STX18: variants seen among roughly 807,000 people sequenced by gnomAD.
The protein encoded by STX18 is syntaxin 18, also known as syntaxin-18.
STX18 carries 40 observed loss-of-function variants against 50.1 expected under a neutral mutation model. That is an observed-to-expected ratio of 0.80 (90% confidence interval 0.62 to 1.04). STX18 has a LOEUF of 1.04. Ranked by LOEUF, STX18 falls within the 50% of genes least tolerant of loss-of-function variation. The probability of loss-of-function intolerance (pLI) is 0.00; values close to 1 mark genes in which losing one functional copy is unlikely to be tolerated. For synonymous variants in STX18, 158 were observed against 151.8 expected, an observed-to-expected ratio of 1.04 and a Z score of -0.30; for missense variants, 410 against 415.8, an observed-to-expected ratio of 0.99 and a Z score of 0.12.
At chr4:4,485,898 C>T (rs1014494639) in intron 1 of STX18, among the ~76,000 whole-genome samples, 2 of 152,210 alleles carry the variant, frequency 1.3e-5, no homozygotes, top group Non-Finnish European at 2.9e-5. Context: ...CAGTCTTTGA[C>T]TCACCACACA....
intron 1 of STX18, among the ~76,000 whole-genome samples, chr4:4,484,652 A>C (rs900918506): frequency 3.3e-5 from 5 of 152,212 alleles, no homozygotes; most frequent in Non-Finnish European, 5.9e-5. Context: ...GTCTATTTTA[A>C]AAACATTTCC....
chr4:4,522,490 T>C (rs1550530), intron 1 of STX18, among the ~76,000 whole-genome samples: 57,718 of 151,744 alleles, frequency 0.38, 10,956 homozygotes, highest in South Asian at 0.47. Context: ...TTCATATCCC[T>C]GACCATAATG....
chr4:4,489,303 T>C (rs1321828548), intron 1 of STX18, among the ~76,000 whole-genome samples: 1 of 151,604 alleles, frequency 6.6e-6, no homozygotes, highest in African/African-American at 2.4e-5. Flanking sequence ...CCTTTTTTCC[T>C]TTTTCCTATA....
chr4:4,421,408 G>A (rs1041416958), intron 9 of STX18, among the ~76,000 whole-genome samples: 3 of 151,656 alleles, frequency 2.0e-5, no homozygotes, highest in African/African-American at 4.9e-5. Context: ...GTGCCACCAC[G>A]CCTGGCTAAA....
chr4:4,457,432 A>T lies in STX18; in HGVS notation c.421T>A (p.Tyr141Asn), dbSNP rs750159538. Residue 141 changes from tyrosine (Y) to asparagine (N), a missense_variant, in exon 4 of 11, where the codon TAC becomes AAC. Physicochemically the swap from Tyr to Asn is moderately radical, Grantham distance 143 (BLOSUM62 -2). Transcript: ENST00000306200. ...RTAVLDFIED[Y>N]LKRVCKLYSE... ...AAAGAAAATGAAATACTTTTCAAGT[A>T]ATCTTCAATGAAATCCAAAACAGCG... 6.2e-7 allele frequency: 1 copy of T among 1,613,276 alleles called. No individual in the cohort carries two copies. The highest frequency in any genetic ancestry group is 8.5e-7 in the Non-Finnish European group (1 of 1,179,426).
chr4:4,448,156 G>A (rs940155777), intron 5 of STX18, among the ~76,000 whole-genome samples: 3 of 152,100 alleles, frequency 2.0e-5, no homozygotes, highest in South Asian at 2.1e-4. Context: ...GCCCTCCCAC[G>A]CTGTCTTGGC....
At chr4:4,511,585 T>C (rs1414848942) in intron 1 of STX18, among the ~76,000 whole-genome samples, 1 of 151,938 alleles carries the variant, frequency 6.6e-6, no homozygotes, top group African/African-American at 2.4e-5. Flanking sequence ...TGAATCTATG[T>C]GGTAGGGGAA....
At chr4:4,490,098 C>T (rs377566541) in intron 1 of STX18, among the ~76,000 whole-genome samples, 1 of 152,064 alleles carries the variant, frequency 6.6e-6, no homozygotes, top group Non-Finnish European at 1.5e-5. Context: ...AATAAATTTA[C>T]AATAAAAATG....
chr4:4,423,141 G>C lies in STX18; in HGVS notation c.831+377C>G, dbSNP rs73793289. On this transcript the variant is annotated intron_variant, in intron 9 of 10. Coordinates refer to ENST00000306200, the MANE Select transcript of STX18 (RefSeq NM_016930.4). ...TGCTTCTGCAGTTATCTCTCAAACA[G>C]AGAATAACCCTGCAGGAGTCCCTCC... Among the ~76,000 whole-genome samples the C allele has an allele frequency of 7.8e-3, 1,192 of 152,352 alleles. 15 individuals carry two copies. Among genetic ancestry groups the C allele is most frequent in the African/African-American group, 0.027 (1,136 of 41,582 alleles).
intron 5 of STX18, among the ~76,000 whole-genome samples, chr4:4,441,760 A>G (rs951546991): frequency 3.3e-5 from 5 of 152,236 alleles, no homozygotes; most frequent in Admixed American, 2.6e-4. Flanking sequence ...CAACTATGAA[A>G]TTCATCTGGA....
At chr4:4,536,230 T>C (rs1004353221) in intron 1 of STX18, among the ~76,000 whole-genome samples, 40 of 152,326 alleles carry the variant, frequency 2.6e-4, no homozygotes, top group African/African-American at 9.6e-4. Context: ...TGGACAGAGA[T>C]CACCTAGCCC....
At chr4:4,534,450 G>C (rs1731242341) in intron 1 of STX18, among the ~76,000 whole-genome samples, 1 of 152,108 alleles carries the variant, frequency 6.6e-6, no homozygotes, top group African/African-American at 2.4e-5. Flanking sequence ...TAGTTACTAA[G>C]TTTTACTAAG....
chr4:4,436,950 CTTTTTTTTTTTTTT>C (rs34174730), intron 6 of STX18, among the ~76,000 whole-genome samples: 1 of 116,764 alleles, frequency 8.6e-6, no homozygotes, highest in Non-Finnish European at 1.8e-5. Flanking sequence ...TCCAGACTCA[CTTTTTTTTTTTTTT>C]TTTTTTTTTT....
At chr4:4,461,944 C>G (rs1727401696) in intron 2 of STX18, 1 of 456,180 alleles carries the variant, frequency 2.2e-6, no homozygotes, top group Non-Finnish European at 4.4e-6. Flanking sequence ...CCTCTCTCTC[C>G]TATGTTGCAA....
At chr4:4,493,059 G>C (rs1729011891) in intron 1 of STX18, among the ~76,000 whole-genome samples, 1 of 152,068 alleles carries the variant, frequency 6.6e-6, no homozygotes, top group African/African-American at 2.4e-5. Flanking sequence ...AGATATTGCT[G>C]ATCATGTCAT....
At chr4:4,512,898 A>G (rs1364299155) in intron 1 of STX18, among the ~76,000 whole-genome samples, 4 of 152,168 alleles carry the variant, frequency 2.6e-5, no homozygotes, top group Admixed American at 2.6e-4. Flanking sequence ...TACTTTTAAC[A>G]TGCGACTCTG....
At chr4:4,489,436 G>A (rs1577368938) in intron 1 of STX18, among the ~76,000 whole-genome samples, 1 of 79,958 alleles carries the variant, frequency 1.3e-5, no homozygotes, top group African/African-American at 4.3e-5. Context: ...TTTTGGTAGA[G>A]ACGAGGTCTT....
intron 5 of STX18, among the ~76,000 whole-genome samples, chr4:4,452,089 G>A (rs1726783358): frequency 6.6e-6 from 1 of 152,228 alleles, no homozygotes; most frequent in South Asian, 2.1e-4. Flanking sequence ...GGTCTGGAGA[G>A]ATCAAATCAG....
At chr4:4,533,621 C>A (rs1330626909) in intron 1 of STX18, among the ~76,000 whole-genome samples, 1 of 152,226 alleles carries the variant, frequency 6.6e-6, no homozygotes, top group Non-Finnish European at 1.5e-5. Context: ...TTGACGTGAG[C>A]TTGGCTGATA....
Sources: allele counts gnomAD v4.1 joint callset (sites outside exome capture counted in the v4.1 genomes callset), GRCh38; gene constraint gnomAD v4.1.1; transcripts MANE v1.5; gene names NCBI Gene and HGNC (gene_info 2026-07-23, HGNC 2026-07-21).